The following POP1 variants were observed in gnomAD, a reference collection of about 807,000 sequenced individuals.
POP1 encodes POP1 ribonuclease P/MRP subunit, also known as ribonucleases P/MRP protein subunit POP1.
In POP1, 75 loss-of-function variants were observed where a neutral mutation model predicts 102.2. The ratio of observed to expected loss-of-function variants is 0.73; its 90% CI spans 0.61 to 0.89. The LOEUF is 0.89. Ranked by LOEUF, POP1 falls within the 40% of genes least tolerant of loss-of-function variation. The probability of loss-of-function intolerance (pLI) is 0.00; values close to 1 mark genes in which losing one functional copy is unlikely to be tolerated. For synonymous variants in POP1, 436 were observed against 464.1 expected, an observed-to-expected ratio of 0.94 and a Z score of 0.78; for missense variants, 1,116 against 1,267.4, an observed-to-expected ratio of 0.88 and a Z score of 1.81.
At chr8:98,146,466 A>C in intron 11 of POP1, 102 bp from the exon 12 acceptor site, 2 of 842,402 alleles carry the variant, frequency 2.4e-6, no homozygotes, top group Non-Finnish European at 4.1e-6. Flanking sequence ...GTAAATGCCT[A>C]TGAAATATTG....
At chr8:98,137,716 A>AT (rs1485791721) in intron 9 of POP1, among the ~76,000 whole-genome samples, 1 of 152,248 alleles carries the variant, frequency 6.6e-6, no homozygotes, top group African/African-American at 2.4e-5. Context: ...TACGACAGCC[A>AT]TTAGCCACAT....
intron 4 of POP1, 78 bp from the exon 5 acceptor site, chr8:98,129,900 T>C (rs1816327026): frequency 1.3e-6 from 2 of 1,498,306 alleles, no homozygotes; most frequent in Non-Finnish European, 1.9e-6. Flanking sequence ...TCTAAAGTTA[T>C]TTGTTTGCAT....
At chr8:98,155,437 C>T (rs57699737) in intron 14 of POP1, among the ~76,000 whole-genome samples, 16,615 of 151,596 alleles carry the variant, frequency 0.11, 1,273 homozygotes, top group African/African-American at 0.21. Flanking sequence ...TGTGCCACCA[C>T]ACCCAGCTAA....
Position 98,138,212 on chromosome 8 carries a change from GAA to G in POP1, c.1362+1261_1362+1262del, listed in dbSNP as rs572675643. On this transcript the variant is annotated intron_variant, in intron 9 of 15. Coordinates refer to ENST00000401707, the MANE Select transcript of POP1 (RefSeq NM_001145860.2). ...TTATTCCCTCTTGTTGCTTCCTGAT[GAA>G]AAGTTTTTGAATAGCTTCTCATTGT... Among the ~76,000 whole-genome samples the G allele has an allele frequency of 5.9e-5, 9 of 152,302 alleles. No individual in the cohort carries two copies. The South Asian group carries it at 1.9e-3, about 32-fold the overall frequency.
chr8:98,121,596 C>T (rs1299290774), intron 1 of POP1, among the ~76,000 whole-genome samples: 1 of 145,506 alleles, frequency 6.9e-6, no homozygotes, highest in African/African-American at 2.6e-5. Context: ...CGGCTCAATG[C>T]AACCTCCACC....
Position 98,134,619 on chromosome 8 carries a change from G to A in POP1, c.971G>A (p.Ser324Asn). The A allele has an allele frequency of 6.2e-7, 1 of 1,614,102 alleles. No homozygotes were observed. The highest frequency in any genetic ancestry group is 8.5e-7 in the Non-Finnish European group (1 of 1,179,942). The stretch of plus-strand genomic sequence containing the variant: ...AGGACCCCGGGTGACCCTTCTGAGA[G>A]CAGGCAGCTGTGGATCTGGCTGCAT... Reference protein sequence around the residue: ...SQRTPGDPSESRQLWIWLHPT... With the variant: ...SQRTPGDPSENRQLWIWLHPT... The change falls in exon 7 of 16, where the codon AGC becomes AAC. Residue 324 changes from serine (S) to asparagine (N), a missense_variant. By Grantham distance (46) the Ser-to-Asn change is conservative. Transcript: ENST00000401707.
At chr8:98,121,512 G>GTTTT (rs34259075) in intron 1 of POP1, among the ~76,000 whole-genome samples, 42 of 119,688 alleles carry the variant, frequency 3.5e-4, no homozygotes, top group African/African-American at 9.2e-4. Context: ...GGTTACACGG[G>GTTTT]TTTTTTTTTT....
intron 4 of POP1, among the ~76,000 whole-genome samples, chr8:98,129,375 T>C (rs1816310103): frequency 6.6e-6 from 1 of 152,234 alleles, no homozygotes; most frequent in Non-Finnish European, 1.5e-5. Flanking sequence ...TTAAAACCTA[T>C]TTATTGAGCA....
Position 98,156,461 on chromosome 8 carries a change from T to C in POP1, c.2420+49T>C, listed in dbSNP as rs776771648. The C allele has an allele frequency of 8.1e-6, 13 of 1,608,836 alleles. No homozygotes were observed. The African/African-American group carries it at 1.2e-4, about 15-fold the overall frequency. On this transcript the variant is annotated intron_variant, in intron 15 of 15. Coordinates refer to ENST00000401707, the MANE Select transcript of POP1 (RefSeq NM_001145860.2). ...ACATTTTGGATTATTTATTTTAATATTGAAGAGGCTACAGGATGTAAGCGT... is the reference window on the plus strand; with the variant it reads ...ACATTTTGGATTATTTATTTTAATACTGAAGAGGCTACAGGATGTAAGCGT...
rs147855983 is a variant in POP1 at position 98,152,564 on chromosome 8, T to C, written c.2057+1925T>C. ...TTATATATGGACCCTCGGATTTGAA[T>C]TTCATATAATTTTCATGTGTCGTGA... On this transcript the variant is annotated intron_variant, in intron 14 of 15. Transcript: ENST00000401707. Among the ~76,000 whole-genome samples, 811 of 152,286 alleles carry C rather than the reference T, an allele frequency of 5.3e-3. 6 individuals carry two copies. The highest frequency in any genetic ancestry group is 0.019 in the African/African-American group (772 of 41,550).
intron 15 of POP1, 104 bp from the exon 16 acceptor site, chr8:98,157,513 T>C (rs768449654): frequency 2.3e-5 from 30 of 1,318,308 alleles, no homozygotes; most frequent in Non-Finnish European, 3.1e-5. Flanking sequence ...GATTCTTATA[T>C]AGTATAAAAG....
rs1816341284 is a variant in POP1, at chr8:98,130,180, G to T, written c.689G>T (p.Ser230Ile). Residue 230 changes from serine to isoleucine, a missense_variant, in exon 5 of 16, where the codon AGC becomes ATC. Coordinates refer to ENST00000401707, the MANE Select transcript of POP1 (RefSeq NM_001145860.2). ...CTTGGGGAGAGGCCAACAGTCAAGA[G>T]CCACAGAGCCTGCTATCGAGCCATG... ...YCLGERPTVK[S>I]HRACYRAMTN... 6.2e-7 allele frequency: 1 copy of T among 1,614,186 alleles called. No individual in the cohort carries two copies. The highest frequency in any genetic ancestry group is 1.3e-5 in the African/African-American group (1 of 75,042).
At chr8:98,140,654 A>C (rs1667912152) in intron 10 of POP1, 115 bp from the exon 11 acceptor site, 2 of 1,039,994 alleles carry the variant, frequency 1.9e-6, no homozygotes. Flanking sequence ...CATGTTTTTA[A>C]GTAATTAGTC....
chr8:98,122,250 T>A (rs1396312216), intron 1 of POP1, among the ~76,000 whole-genome samples: 1 of 152,212 alleles, frequency 6.6e-6, no homozygotes, highest in Non-Finnish European at 1.5e-5. Context: ...TTGACCAATT[T>A]GGAAAATTAC....
rs147804527 is a variant in POP1, at chr8:98,132,186, G to A, written c.736-1763G>A. 9.2e-5 allele frequency among the ~76,000 whole-genome samples: 14 copies of A among 152,328 alleles called. No homozygotes were observed. The East Asian group carries it at 2.7e-3, about 29-fold the overall frequency. On this transcript the variant is annotated intron_variant, in intron 5 of 15. Transcript: ENST00000401707. Reference sequence around the variant, plus strand: ...CTACCCTGTTTTAAATGGTTTGCATGTGTTTACTCATTTAATCCTCAGAAT... The same window carrying A: ...CTACCCTGTTTTAAATGGTTTGCATATGTTTACTCATTTAATCCTCAGAAT...
At position 98,157,669 on chromosome 8, in the gene POP1, G is replaced by A. The variant is rs767166808; in HGVS notation, c.2473G>A (p.Asp825Asn). 7 of 1,614,086 alleles carry A rather than the reference G, an allele frequency of 4.3e-6. No homozygotes were observed. The highest frequency in any genetic ancestry group is 5.9e-6 in the Non-Finnish European group (7 of 1,180,048). ...LSAWCGPSSE[D>N]SRGGRRAPGR... ...AGCCTGGTGTGGGCCCAGTTCTGAGGATAGTCGGGGAGGCCGGCGAGCTCC... is the reference window on the plus strand; with the variant it reads ...AGCCTGGTGTGGGCCCAGTTCTGAGAATAGTCGGGGAGGCCGGCGAGCTCC... Residue 825 changes from aspartate (D) to asparagine (N), a missense_variant, in exon 16 of 16, where the codon GAT becomes AAT. Asp to Asn is a conservative substitution (Grantham distance 23). Coordinates refer to ENST00000401707, the MANE Select transcript of POP1 (RefSeq NM_001145860.2).
At chr8:98,135,277 A>G (rs1042898226) in intron 7 of POP1, among the ~76,000 whole-genome samples, 9 of 145,148 alleles carry the variant, frequency 6.2e-5, no homozygotes, top group African/African-American at 2.3e-4. Context: ...CCCTGTCTCG[A>G]AAAAAAAAAA....
intron 7 of POP1, among the ~76,000 whole-genome samples, chr8:98,136,223 G>A (rs1294933649): frequency 6.6e-6 from 1 of 151,782 alleles, no homozygotes; most frequent in Non-Finnish European, 1.5e-5. Context: ...TGAGATTATA[G>A]GTGCCTGCCA....
Position 98,123,351 on chromosome 8 carries a change from A to G in POP1, c.14A>G (p.Lys5Arg), listed in dbSNP as rs1051371484. The G allele has an allele frequency of 6.2e-7, 1 of 1,613,916 alleles. No individual in the cohort carries two copies. Among genetic ancestry groups the G allele is most frequent in the Non-Finnish European group, 8.5e-7 (1 of 1,179,828 alleles). Residue 5 changes from lysine (K) to arginine (R), a missense_variant, in exon 2 of 16, where the codon AAA becomes AGA. Physicochemically the swap from Lys to Arg is conservative, Grantham distance 26. Transcript: ENST00000401707. The stretch of plus-strand genomic sequence containing the variant: ...TCCTTTCCAGAAATGTCAAATGCAA[A>G]AGAAAGAAAACACGCCAAGAAAATG... MSNA[K>R]ERKHAKKMRN...
Sources: allele counts gnomAD v4.1 joint callset (sites outside exome capture counted in the v4.1 genomes callset), GRCh38; gene constraint gnomAD v4.1.1; transcripts MANE v1.5; gene names NCBI Gene and HGNC (gene_info 2026-07-23, HGNC 2026-07-21).